Variants in ZBTB48 observed in about 807,000 individuals in gnomAD.
ZBTB48 encodes the protein zinc finger and BTB domain containing 48.
Under a neutral mutation model 64.5 loss-of-function variants are expected in ZBTB48, and 35 were observed. The observed-to-expected ratio is 0.54, with a 90% CI of 0.41 to 0.72. The LOEUF (loss-of-function observed/expected upper bound fraction) is 0.72. Ranked by LOEUF, ZBTB48 falls within the 30% of genes least tolerant of loss-of-function variation. ZBTB48 has a pLI of 0.00. For missense variants in ZBTB48, 828 were observed against 895.3 expected (o/e 0.92, Z 0.96); for synonymous variants, 442 against 356.7 (o/e 1.24, Z -2.70).
chr1:6,582,426 G>C, intron 3 of ZBTB48, 127 bp downstream of exon 3: 6 of 1,282,610 alleles, frequency 4.7e-6, no homozygotes, highest in Non-Finnish European at 6.5e-6. Context: ...CATAGTGTCT[G>C]GCCTTGGTAC....
chr1:6,585,466 G>C (rs546115476), intron 3 of ZBTB48: 1 of 184,850 alleles, frequency 5.4e-6, no homozygotes, highest in South Asian at 1.1e-4. Flanking sequence ...TGAAACCTGT[G>C]GGGGAGGCAG....
In ZBTB48 at chr1:6,589,185, T is replaced by G. The variant is rs1051631387; in HGVS notation, c.2040T>G (p.Ala680=). The change falls in exon 11 of 11, where the codon GCT becomes GCG. Residue 680 remains alanine, a synonymous_variant. Transcript: ENST00000377674. ...TGGAGCCCTCCCTCATCATCACAGC[T>G]GCTGTCCCCGAGGACTGTGACACAT... The part of the protein sequence containing the change: ...GVLEPSLIIT[A]AVPEDCDT 6.5e-7 allele frequency: 1 copy of G among 1,533,150 alleles called. No individual in the cohort carries two copies. 95.0% of individuals were successfully genotyped at this position (1,533,150 alleles called of 1,614,324 possible).
chr1:6,587,352 C>T (rs1162600576), intron 6 of ZBTB48, 61 bp downstream of exon 6: 2 of 1,612,026 alleles, frequency 1.2e-6, no homozygotes, highest in African/African-American at 1.3e-5. Context: ...TGAGCTGTGC[C>T]CAGAGTGGGC....
At position 6,584,856 on chromosome 1, in the gene ZBTB48, G is replaced by T. The variant is rs2148690000; in HGVS notation, c.933-1063G>T. On this transcript the variant is annotated intron_variant, in intron 3 of 10. Coordinates refer to ENST00000377674, the MANE Select transcript of ZBTB48 (RefSeq NM_005341.4). The surrounding 1 kb of genome is among the most constrained non-coding windows in gnomAD (Gnocchi z 4.5). The stretch of plus-strand genomic sequence containing the variant: ...AAGGTGGGAGGAGCTGTCGCAGGCT[G>T]CACAGGGGCTCTGAGGTCGAGTTCG... 6.6e-6 allele frequency among the ~76,000 whole-genome samples: 1 copy of T among 152,324 alleles called. No homozygotes were observed. Among genetic ancestry groups the T allele is most frequent in the East Asian group, 1.9e-4 (1 of 5,186 alleles).
rs900146197 is a variant in ZBTB48 at position 6,581,916 on chromosome 1, C to G, written c.691-142C>G. On this transcript the variant is annotated intron_variant, in intron 2 of 10. Transcript: ENST00000377674. ...CCTCTGAATCCAAGATTCAGATGCT[C>G]TGCCTTGGGCCCCTGAAGGAACTTG... 7.2e-5 allele frequency: 92 copies of G among 1,272,928 alleles called. No individual in the cohort carries two copies. In the Admixed American group the frequency reaches 1.9e-3, roughly 27 times the overall value. The allele number at this position is 1,272,928 out of a possible 1,614,324, so 78.9% of individuals were successfully genotyped here.
rs1300254207 is a variant in ZBTB48, at chr1:6,588,076, G to C, written c.1396G>C (p.Val466Leu). 6.2e-7 allele frequency: 1 copy of C among 1,614,132 alleles called. No individual in the cohort carries two copies. The highest frequency in any genetic ancestry group is 8.5e-7 in the Non-Finnish European group (1 of 1,180,028). Reference sequence around the variant, plus strand: ...CCTTAACAGGAATGAGAGGCCACACGTATGTGAGTTCTGCAGCCACGCCTT... The same window carrying C: ...CCTTAACAGGAATGAGAGGCCACACCTATGTGAGTTCTGCAGCCACGCCTT... ...KAKHRNERPH[V>L]CEFCSHAFTQ... Residue 466 changes from valine to leucine, a missense_variant, in exon 8 of 11, where the codon GTA (valine) becomes CTA (leucine). Transcript: ENST00000377674.
intron 3 of ZBTB48, 129 bp downstream of exon 3, chr1:6,582,428 C>T (rs1188898731): frequency 8.3e-7 from 1 of 1,207,568 alleles, no homozygotes; most frequent in Non-Finnish European, 1.2e-6. Context: ...TAGTGTCTGG[C>T]CTTGGTACAC....
Position 6,582,042 on chromosome 1 carries a change from G to A in ZBTB48, c.691-16G>A, listed in dbSNP as rs1227665342. ...TTTGGTGACGCCACCCCCTCCTGCT[G>A]CCTATTGTGCTCTAGTGGGAAGTGG... is the stretch of plus-strand genomic sequence containing the variant. On this transcript the variant is annotated splice_polypyrimidine_tract_variant and intron_variant, in intron 2 of 10. Coordinates refer to ENST00000377674, the MANE Select transcript of ZBTB48 (RefSeq NM_005341.4). 6.2e-7 allele frequency: 1 copy of A among 1,609,358 alleles called. No homozygotes were observed. Among genetic ancestry groups the A allele is most frequent in the African/African-American group, 1.3e-5 (1 of 74,848 alleles).
At chr1:6,586,222 C>G (rs1395791412) in intron 4 of ZBTB48, 192 bp downstream of exon 4, 2 of 640,646 alleles carry the variant, frequency 3.1e-6, no homozygotes, top group Non-Finnish European at 5.5e-6. Context: ...GCGGAAGGGA[C>G]AGGCATAGGA....
At chr1:6,586,975 A>C (rs956592856) in intron 5 of ZBTB48, 188 bp downstream of exon 5, 14 of 878,910 alleles carry the variant, frequency 1.6e-5, no homozygotes, top group Non-Finnish European at 2.4e-5. Context: ...CCTCACCTCC[A>C]AGGTCCTTAT....
chr1:6,581,839 C>T (rs1640480603), intron 2 of ZBTB48, among the ~76,000 whole-genome samples: 1 of 152,182 alleles, frequency 6.6e-6, no homozygotes, highest in Admixed American at 6.5e-5. Flanking sequence ...GGTGTTTCCC[C>T]AGGGCAGTGT....
chr1:6,587,613 C>T lies in ZBTB48; in HGVS notation c.1360C>T (p.His454Tyr). 6.2e-7 allele frequency: 1 copy of T among 1,613,374 alleles called. No individual in the cohort carries two copies. The highest frequency in any genetic ancestry group is 8.5e-7 in the Non-Finnish European group (1 of 1,180,042). The change falls in exon 7 of 11, where the codon CAC (histidine) becomes TAC (tyrosine). Residue 454 changes from histidine (H) to tyrosine (Y), a missense_variant. By Grantham distance (83) the His-to-Tyr change is moderately conservative. Coordinates refer to ENST00000377674, the MANE Select transcript of ZBTB48 (RefSeq NM_005341.4). ...CTCGAGCCGGAATGGCCTGCAGATGCACATCAAGGCCAAGCACAGGTGCGT... is the reference window on the plus strand; with the variant it reads ...CTCGAGCCGGAATGGCCTGCAGATGTACATCAAGGCCAAGCACAGGTGCGT... ...RASSRNGLQM[H>Y]IKAKHRNERP... is the part of the protein sequence containing the mutation.
Position 6,589,270 on chromosome 1 carries a change from G to A in ZBTB48, c.*58G>A, listed in dbSNP as rs1180723561. On this transcript the variant is annotated 3_prime_UTR_variant, in exon 11 of 11. Coordinates refer to ENST00000377674, the MANE Select transcript of ZBTB48 (RefSeq NM_005341.4). The stretch of plus-strand genomic sequence containing the variant: ...ACCCCTCAATAAACCGTGTGGCTTT[G>A]GACTCTCGTATTTCAGCCTGACAGT... The A allele has an allele frequency of 2.7e-6, 4 of 1,466,678 alleles. No homozygotes were observed. Among genetic ancestry groups the A allele is most frequent in the Non-Finnish European group, 3.6e-6 (4 of 1,116,102 alleles). The allele number at this position is 1,466,678 out of a possible 1,614,324, so 90.9% of individuals were successfully genotyped here.
At chr1:6,581,964 G>A in intron 2 of ZBTB48, 94 bp from the exon 3 acceptor site, 1 of 1,562,486 alleles carries the variant, frequency 6.4e-7, no homozygotes, top group Non-Finnish European at 8.7e-7. Context: ...ACTTGTCAGG[G>A]TTGGGGCTTG....
At chr1:6,587,007 G>A (rs1640696037) in intron 5 of ZBTB48, 198 bp from the exon 6 acceptor site, 2 of 852,698 alleles carry the variant, frequency 2.3e-6, no homozygotes, top group Non-Finnish European at 3.9e-6. Flanking sequence ...TTCTTTCCAT[G>A]GAGGACAGGC....
In ZBTB48 at chr1:6,582,039, G is replaced by C. The variant is rs1485307051; in HGVS notation, c.691-19G>C. ...TCATTTGGTGACGCCACCCCCTCCT[G>C]CTGCCTATTGTGCTCTAGTGGGAAG... On this transcript the variant is annotated intron_variant, in intron 2 of 10. Transcript: ENST00000377674. 6.2e-7 allele frequency: 1 copy of C among 1,607,460 alleles called. No homozygotes were observed. Among genetic ancestry groups the C allele is most frequent in the Non-Finnish European group, 8.5e-7 (1 of 1,174,288 alleles).
At chr1:6,587,896 T>G (rs539566482) in intron 7 of ZBTB48, among the ~76,000 whole-genome samples, 164 bp from the exon 8 acceptor site, 67 of 152,226 alleles carry the variant, frequency 4.4e-4, no homozygotes, top group Admixed American at 2.0e-3. Flanking sequence ...TAGTTTCCTG[T>G]GACTCCTGCT....
intron 7 of ZBTB48, 35 bp downstream of exon 7, chr1:6,587,667 C>T: frequency 1.2e-6 from 2 of 1,609,014 alleles, no homozygotes; most frequent in South Asian, 2.2e-5. Flanking sequence ...GGGCCCAGTC[C>T]TGCTGCCAGC....
Position 6,585,986 on chromosome 1 carries a change from C to G in ZBTB48, c.1000C>G (p.Leu334Val). The G allele has an allele frequency of 6.2e-7, 1 of 1,614,170 alleles. No homozygotes were observed. The highest frequency in any genetic ancestry group is 8.5e-7 in the Non-Finnish European group (1 of 1,179,988). ...GAAGTGTTACTTTCGGAAGGAGAACCTCCTGGAGCATGAAGCCCGGAATTG... is the reference window on the plus strand; with the variant it reads ...GAAGTGTTACTTTCGGAAGGAGAACGTCCTGGAGCATGAAGCCCGGAATTG... ...CGKCYFRKEN[L>V]LEHEARNCMN... The change falls in exon 4 of 11, where the codon CTC becomes GTC. Residue 334 changes from leucine (L) to valine (V), a missense_variant. Leu to Val is a conservative substitution (Grantham distance 32). Coordinates refer to ENST00000377674, the MANE Select transcript of ZBTB48 (RefSeq NM_005341.4).
Sources: gnomAD v4.1 joint callset for allele counts (sites outside exome capture counted in the v4.1 genomes callset) on GRCh38, gnomAD v4.1.1 for gene constraint, Gnocchi (gnomAD v3.1) non-coding constraint, MANE v1.5 for transcripts, NCBI Gene and HGNC (gene_info 2026-07-23, HGNC 2026-07-21) for gene names.